Variants in CMIP observed in about 807,000 individuals in gnomAD.
CMIP encodes c-Maf inducing protein.
CMIP carries 13 observed loss-of-function variants against 97.3 expected under a neutral mutation model. The ratio of observed to expected loss-of-function variants is 0.13; its 90% CI spans 0.09 to 0.21. CMIP has a LOEUF of 0.21. Ranked by LOEUF, CMIP falls within the 10% of genes least tolerant of loss-of-function variation. CMIP has a pLI of 1.00. For missense variants in CMIP, 847 were observed against 1,024.9 expected (o/e 0.83, Z 2.37); for synonymous variants, 538 against 436.3 (o/e 1.23, Z -2.91).
chr16:81,527,504 C>G (rs1486093577), intron 1 of CMIP, among the ~76,000 whole-genome samples: 3 of 152,150 alleles, frequency 2.0e-5, no homozygotes, highest in Non-Finnish European at 4.4e-5. Flanking sequence ...AAATGAACAG[C>G]TCCATGAATT....
chr16:81,452,648 C>T (rs1490264572), intron 1 of CMIP, among the ~76,000 whole-genome samples: 1 of 151,964 alleles, frequency 6.6e-6, no homozygotes, highest in African/African-American at 2.4e-5. Flanking sequence ...ATTGCAAAGG[C>T]CCTGAGGGAG....
intron 3 of CMIP, among the ~76,000 whole-genome samples, chr16:81,624,664 C>T (rs1175340062): frequency 6.6e-6 from 1 of 152,084 alleles, no homozygotes; most frequent in African/African-American, 2.4e-5. Context: ...AGTCTGTGGC[C>T]CTCCAAAGCT....
At chr16:81,446,506 G>A (rs1426165024) in intron 1 of CMIP, among the ~76,000 whole-genome samples, 1 of 152,016 alleles carries the variant, frequency 6.6e-6, no homozygotes, top group African/African-American at 2.4e-5. Flanking sequence ...TTCAAATACC[G>A]GCTGTGGCTT....
chr16:81,664,553 T>C (rs2092582652), intron 7 of CMIP: 4 of 580,992 alleles, frequency 6.9e-6, no homozygotes, highest in East Asian at 5.7e-5. Flanking sequence ...AAGAATCTTT[T>C]TGCAGTTCCT....
chr16:81,520,543 A>G (rs2089999485), intron 1 of CMIP: 1 of 145,258 alleles, frequency 6.9e-6, no homozygotes, highest in Non-Finnish European at 1.5e-5. Context: ...TCTCAGAGAG[A>G]GAGAGAGGGA....
chr16:81,605,533 C>T (rs532072473), intron 1 of CMIP, among the ~76,000 whole-genome samples: 1 of 152,190 alleles, frequency 6.6e-6, no homozygotes, highest in African/African-American at 2.4e-5. Context: ...AATCCCTGAG[C>T]CCCTAGGTGG....
intron 1 of CMIP, among the ~76,000 whole-genome samples, chr16:81,534,650 A>AC (rs200155922): frequency 0.01 from 1,538 of 152,260 alleles, 26 homozygotes; most frequent in African/African-American, 0.035. Context: ...CCATAAAAAA[A>AC]AAAACAAAAC....
chr16:81,460,605 C>T (rs78939245), intron 1 of CMIP, among the ~76,000 whole-genome samples: 7,547 of 152,252 alleles, frequency 0.05, 230 homozygotes, highest in South Asian at 0.12. Context: ...GTACGCTGCC[C>T]ATGCCTTAAT....
At chr16:81,679,951 C>G (rs192339336) in intron 10 of CMIP, among the ~76,000 whole-genome samples, 9 of 152,242 alleles carry the variant, frequency 5.9e-5, no homozygotes, top group Non-Finnish European at 1.3e-4. Context: ...ACACCTCCCC[C>G]TTTCTCGCTC....
intron 1 of CMIP, among the ~76,000 whole-genome samples, chr16:81,499,660 GC>G (rs1388020115): frequency 1.3e-5 from 2 of 152,238 alleles, no homozygotes; most frequent in Admixed American, 6.5e-5. Context: ...CTGGCATGTG[GC>G]CTCTGCCCGG....
intron 10 of CMIP, among the ~76,000 whole-genome samples, chr16:81,680,379 C>T (rs1597241103): frequency 6.6e-6 from 1 of 152,222 alleles, no homozygotes; most frequent in African/African-American, 2.4e-5. Flanking sequence ...GCCCCCTGTG[C>T]TCTGCTAGCA....
At chr16:81,644,316 C>T (rs752499160) in intron 3 of CMIP, among the ~76,000 whole-genome samples, 11 of 152,056 alleles carry the variant, frequency 7.2e-5, no homozygotes, top group Admixed American at 2.6e-4. Context: ...GCCAAAGCAC[C>T]GAGGCTGATT....
chr16:81,465,175 A>C (rs1907126681), intron 1 of CMIP, among the ~76,000 whole-genome samples: 1 of 152,250 alleles, frequency 6.6e-6, no homozygotes, highest in Non-Finnish European at 1.5e-5. Context: ...AACAGAAGAA[A>C]ACCAAATCCA....
intron 1 of CMIP, among the ~76,000 whole-genome samples, chr16:81,514,392 A>G (rs890131949): frequency 2.6e-5 from 4 of 152,278 alleles, no homozygotes; most frequent in African/African-American, 9.6e-5. Flanking sequence ...GACCTTAGGA[A>G]CGAGGCTAAC....
chr16:81,483,095 G>C (rs560407452), intron 1 of CMIP, among the ~76,000 whole-genome samples: 1 of 152,246 alleles, frequency 6.6e-6, no homozygotes, highest in African/African-American at 2.4e-5. Context: ...GAAACCATCA[G>C]ACGAGGGAGG....
intron 1 of CMIP, among the ~76,000 whole-genome samples, chr16:81,479,778 C>T (rs917134325): frequency 1.3e-5 from 2 of 152,154 alleles, no homozygotes; most frequent in African/African-American, 2.4e-5. Context: ...TACCCGTTAA[C>T]AGTCACTCCT....
Position 81,706,864 on chromosome 16 carries a change from C to A in CMIP, c.2198-150C>A, listed in dbSNP as rs76140388. ...CTTTCGGTGTCTAGTGGGCCACCTACCCTGGCTGTGTCTACGAAACCTCCC... is the reference window on the plus strand; with the variant it reads ...CTTTCGGTGTCTAGTGGGCCACCTAACCTGGCTGTGTCTACGAAACCTCCC... On this transcript the variant is annotated intron_variant, in intron 19 of 20. Transcript: ENST00000537098. 2,059 of 680,890 alleles carry A rather than the reference C, an allele frequency of 3.0e-3. 20 individuals are homozygous for A. The African/African-American group carries it at 0.034, about 11-fold the overall frequency. 42.2% of individuals were successfully genotyped at this position (680,890 alleles called of 1,614,324 possible). A position where few individuals can be genotyped will look rare whatever the true frequency, so the allele number is the denominator to read the frequency against.
At position 81,602,843 on chromosome 16, in the gene CMIP, C is replaced by A. The variant is rs185345883; in HGVS notation, c.301-4724C>A. Among the ~76,000 whole-genome samples, 624 of 152,336 alleles carry A rather than the reference C, an allele frequency of 4.1e-3. 2 individuals are homozygous for A. Among genetic ancestry groups the A allele is most frequent in the African/African-American group, 0.014 (594 of 41,578 alleles). On this transcript the variant is annotated intron_variant, in intron 1 of 20. Transcript: ENST00000537098. The stretch of plus-strand genomic sequence containing the variant: ...CTACCCCAGACAGGAATCTCCTCCC[C>A]TGGAGCTCCGGTCGTCATGTTCAGC...
At chr16:81,449,314 G>T (rs1033400599) in intron 1 of CMIP, among the ~76,000 whole-genome samples, 1 of 152,160 alleles carries the variant, frequency 6.6e-6, no homozygotes, top group East Asian at 1.9e-4. Context: ...CTGTTTGATT[G>T]CAATGTTTCT....
Sources: gnomAD v4.1 joint callset for allele counts (sites outside exome capture counted in the v4.1 genomes callset) on GRCh38, gnomAD v4.1.1 for gene constraint, MANE v1.5 for transcripts, NCBI Gene and HGNC (gene_info 2026-07-23, HGNC 2026-07-21) for gene names.